The following EML1 variants were observed in gnomAD, a reference collection of about 807,000 sequenced individuals.
EML1 encodes the protein echinoderm microtubule-associated protein-like 1.
In EML1, 27 loss-of-function variants were observed where a neutral mutation model predicts 110.4. The observed-to-expected ratio is 0.24, with a 90% CI of 0.18 to 0.34. EML1 has a LOEUF of 0.34. Among genes scored for constraint, EML1 ranks in the 10% least tolerant of loss-of-function variants. The probability of loss-of-function intolerance (pLI) is 1.00; values close to 1 mark genes in which losing one functional copy is unlikely to be tolerated. For synonymous variants in EML1, 344 were observed against 385.8 expected (o/e 0.89, Z 1.27); for missense variants, 741 against 1,030.9 (o/e 0.72, Z 3.85).
chr14:99,775,646 C>T (rs2057473920), intron 1 of EML1, among the ~76,000 whole-genome samples: 1 of 152,182 alleles, frequency 6.6e-6, no homozygotes, highest in African/African-American at 2.4e-5. Flanking sequence ...GGCTTTTGAT[C>T]TGGAGAGTGA....
intron 1 of EML1, among the ~76,000 whole-genome samples, chr14:99,780,536 G>A (rs10142140): frequency 0.028 from 4,319 of 152,130 alleles, 189 homozygotes; most frequent in African/African-American, 0.091. Context: ...AGAACATGGA[G>A]GCAAACTCAA....
chr14:99,769,865 T>C (rs2057404582), upstream of EML1, among the ~76,000 whole-genome samples: 1 of 152,160 alleles, frequency 6.6e-6, no homozygotes, highest in African/African-American at 2.4e-5. Context: ...TTCCTCCTTT[T>C]CTTGGGAATA....
At chr14:99,877,738 C>G (rs2059316636) in intron 3 of EML1, among the ~76,000 whole-genome samples, 1 of 152,216 alleles carries the variant, frequency 6.6e-6, no homozygotes, top group South Asian at 2.1e-4. Context: ...ATTTCTTCAA[C>G]CTCAGCACTA....
At chr14:99,768,155 GAATGTAAGATTCATCCC>G (rs1322651674), upstream of EML1, among the ~76,000 whole-genome samples, 1 of 152,140 alleles carries the variant, frequency 6.6e-6, no homozygotes, top group Non-Finnish European at 1.5e-5. Flanking sequence ...GGTGCACATT[GAATGTAAGATTCATCCC>G]AATTCCAGAA....
chr14:99,833,447 G>C (rs1479646496), intron 1 of EML1, among the ~76,000 whole-genome samples: 1 of 152,180 alleles, frequency 6.6e-6, no homozygotes. Context: ...CTTTTTCAAA[G>C]TTGTGGCTAG....
chr14:99,930,563 T>G (rs1480738757), intron 17 of EML1, among the ~76,000 whole-genome samples: 2 of 152,256 alleles, frequency 1.3e-5, no homozygotes, highest in Admixed American at 6.5e-5. Flanking sequence ...GCTGATAAAC[T>G]AATGTTACGT....
chr14:99,935,473 A>G (rs1223206547), intron 17 of EML1, among the ~76,000 whole-genome samples: 1 of 152,032 alleles, frequency 6.6e-6, no homozygotes, highest in Admixed American at 6.6e-5. Context: ...TCAAAAGAAA[A>G]AAAAAAAGAG....
At chr14:99,797,373 A>G (rs2057795041) in intron 1 of EML1, among the ~76,000 whole-genome samples, 1 of 152,022 alleles carries the variant, frequency 6.6e-6, no homozygotes, top group Admixed American at 6.6e-5. Flanking sequence ...GGTTATTTCC[A>G]CTTTTTGACT....
chr14:99,782,998 A>G (rs926872551), intron 1 of EML1, among the ~76,000 whole-genome samples: 5 of 151,842 alleles, frequency 3.3e-5, no homozygotes, highest in African/African-American at 9.7e-5. Flanking sequence ...ATATATATAT[A>G]TATTTTTATT....
chr14:99,777,715 C>G (rs948898985), intron 1 of EML1, among the ~76,000 whole-genome samples: 1 of 152,140 alleles, frequency 6.6e-6, no homozygotes, highest in South Asian at 2.1e-4. Context: ...CCACCACGCC[C>G]GCTGCCTTTA....
intron 1 of EML1, among the ~76,000 whole-genome samples, chr14:99,845,669 A>T (rs1261019905): frequency 6.6e-6 from 1 of 152,230 alleles, no homozygotes; most frequent in East Asian, 1.9e-4. Flanking sequence ...TCTCTTGGTT[A>T]ATAGATATGT....
chr14:99,917,891 G>GA, intron 16 of EML1, 42 bp downstream of exon 16: 1 of 1,599,826 alleles, frequency 6.3e-7, no homozygotes, highest in Non-Finnish European at 8.6e-7. Flanking sequence ...AAAGCTTATG[G>GA]AAAAGAGGCC....
intron 1 of EML1, among the ~76,000 whole-genome samples, chr14:99,758,807 T>C (rs1475130): frequency 0.69 from 105,326 of 152,062 alleles, 36,570 homozygotes; most frequent in South Asian, 0.83. Flanking sequence ...TTCTGTAAAG[T>C]GCATATTCCT....
chr14:99,737,896 C>A, intron 1 of EML1: 1 of 1,286,346 alleles, frequency 7.8e-7, no homozygotes, highest in South Asian at 1.2e-5. Flanking sequence ...GCTGTGGCTC[C>A]GGTTGCAGAG....
intron 3 of EML1, 50 bp from the exon 4 acceptor site, chr14:99,878,435 A>T (rs1431737710): frequency 6.4e-7 from 1 of 1,554,300 alleles, no homozygotes; most frequent in Non-Finnish European, 8.7e-7. Flanking sequence ...TAGCAATAAA[A>T]TAAAGTCACG....
At chr14:99,752,873 G>A (rs1466851628) in intron 1 of EML1, among the ~76,000 whole-genome samples, 1 of 152,058 alleles carries the variant, frequency 6.6e-6, no homozygotes, top group Non-Finnish European at 1.5e-5. Flanking sequence ...TTTTAATGAT[G>A]AAACCTGAAT....
intron 1 of EML1, among the ~76,000 whole-genome samples, chr14:99,741,151 C>T (rs1351559283): frequency 2.0e-5 from 3 of 152,204 alleles, no homozygotes; most frequent in Admixed American, 1.3e-4. Context: ...CTTCTGTGAG[C>T]CTCTGTGACA....
At chr14:99,791,900 C>T (rs977908035), upstream of EML1, among the ~76,000 whole-genome samples, 1 of 152,238 alleles carries the variant, frequency 6.6e-6, no homozygotes, top group African/African-American at 2.4e-5. Flanking sequence ...ACAATGTCTG[C>T]AGGCACCGTT....
chr14:99,786,945 A>G (rs1014735414), intron 1 of EML1, among the ~76,000 whole-genome samples: 6 of 152,216 alleles, frequency 3.9e-5, no homozygotes, highest in Non-Finnish European at 8.8e-5. Context: ...GAAATTGACC[A>G]GACAAAAGTA....
Sources: allele counts gnomAD v4.1 joint callset (sites outside exome capture counted in the v4.1 genomes callset), GRCh38; gene constraint gnomAD v4.1.1; transcripts MANE v1.5; gene names NCBI Gene and HGNC (gene_info 2026-07-23, HGNC 2026-07-21).